Variants in SPATA6L observed in about 807,000 individuals in gnomAD.
SPATA6L encodes spermatogenesis associated 6 like.
A neutral mutation model predicts 49.2 loss-of-function variants in SPATA6L; 68 were observed. That is an observed-to-expected ratio of 1.38 (90% CI 1.14 to 1.69). The LOEUF is 1.69. Among genes scored for constraint, SPATA6L ranks in the 40% most tolerant of loss-of-function variants. The pLI, the probability that SPATA6L is intolerant of heterozygous loss-of-function variation, is 0.00. For missense variants in SPATA6L, 668 were observed against 464.3 expected (o/e 1.44, Z -4.03); for synonymous variants, 198 against 165.7 (o/e 1.19, Z -1.50).
intron 3 of SPATA6L, among the ~76,000 whole-genome samples, chr9:4,642,070 C>T (rs1162252039): frequency 6.6e-6 from 1 of 152,218 alleles, no homozygotes; most frequent in African/African-American, 2.4e-5. Context: ...ACCTGGCCCA[C>T]ATCAAATTGT....
chr9:4,661,488 A>G (rs1379028264), intron 2 of SPATA6L, among the ~76,000 whole-genome samples: 5 of 150,934 alleles, frequency 3.3e-5, no homozygotes, highest in Non-Finnish European at 7.4e-5. Context: ...TTTTAGTTAC[A>G]GGATTTAACT....
chr9:4,604,406 G>T (rs1037841785), intron 10 of SPATA6L, 137 bp from the exon 11 acceptor site: 1 of 519,826 alleles, frequency 1.9e-6, no homozygotes, highest in Non-Finnish European at 3.4e-6. Flanking sequence ...ATATATGTGT[G>T]TATATAGAAT....
At chr9:4,651,010 A>AT (rs889632053) in intron 3 of SPATA6L, among the ~76,000 whole-genome samples, 4 of 149,772 alleles carry the variant, frequency 2.7e-5, no homozygotes, top group South Asian at 2.1e-4. Flanking sequence ...CGTAGAAATA[A>AT]TTTTTTTTTT....
At chr9:4,607,708 C>A (rs1475046867) in intron 9 of SPATA6L, among the ~76,000 whole-genome samples, 2 of 152,056 alleles carry the variant, frequency 1.3e-5, no homozygotes, top group Admixed American at 1.3e-4. Context: ...ATGTAAAGAC[C>A]GTCGAGACTA....
rs183298109 is a variant in SPATA6L, at chr9:4,646,589, A to G, written c.226+9452T>C. On this transcript the variant is annotated intron_variant, in intron 3 of 11. Coordinates refer to ENST00000682582, the MANE Select transcript of SPATA6L (RefSeq NM_001353486.2). ...AAATTGCCACAGTCTTTCAATAATT[A>G]TTAAGTTTTAAACTGTCATAAAACC... 646 of 1,049,512 alleles carry G rather than the reference A, an allele frequency of 6.2e-4. 5 individuals carry two copies. In the African/African-American group the frequency reaches 9.6e-3, roughly 16 times the overall value. The allele number at this position is 1,049,512 out of a possible 1,614,324, so 65.0% of individuals were successfully genotyped here.
intron 2 of SPATA6L, among the ~76,000 whole-genome samples, chr9:4,658,021 A>G (rs1302439788): frequency 6.6e-6 from 1 of 152,178 alleles, no homozygotes; most frequent in Non-Finnish European, 1.5e-5. Context: ...CACTGCCACA[A>G]GCCAAGGAAC....
Position 4,635,307 on chromosome 9 carries a change from C to A in SPATA6L, c.319G>T (p.Glu107Ter). Residue 107 changes from glutamate (E) to a stop codon, truncating the protein, a stop_gained, in exon 4 of 12, where the codon GAG becomes TAG. Transcript: ENST00000682582. LOFTEE classifies it high-confidence loss of function. ...CCCAGAGCCGTCTTCATGAGCACCT[C>A]CCTACACCTCCTAGGGTGCGAAGGT... ...LTPSHPRRCREVLMKTALGFP... is the reference protein window; with the variant it reads ...LTPSHPRRCR The A allele has an allele frequency of 6.3e-7, 1 of 1,575,836 alleles. No homozygotes were observed. Among genetic ancestry groups the A allele is most frequent in the African/African-American group, 1.4e-5 (1 of 71,852 alleles).
chr9:4,627,484 G>A (rs1830567696), intron 5 of SPATA6L: 1 of 278,906 alleles, frequency 3.6e-6, no homozygotes, highest in African/African-American at 2.3e-5. Context: ...GTCTTTTCTA[G>A]GACCCTACAT....
At chr9:4,615,656 T>C (rs1827806897) in intron 9 of SPATA6L, among the ~76,000 whole-genome samples, 1 of 152,228 alleles carries the variant, frequency 6.6e-6, no homozygotes, top group Non-Finnish European at 1.5e-5. Context: ...ATTGTACTTC[T>C]GTTAGGTACC....
At chr9:4,632,741 T>C (rs1179495191) in intron 4 of SPATA6L, among the ~76,000 whole-genome samples, 4 of 152,230 alleles carry the variant, frequency 2.6e-5, no homozygotes, top group African/African-American at 7.2e-5. Flanking sequence ...ACATATGTGA[T>C]GTTTATGGCC....
At chr9:4,660,277 C>T (rs1423243750) in intron 2 of SPATA6L, among the ~76,000 whole-genome samples, 2 of 152,132 alleles carry the variant, frequency 1.3e-5, no homozygotes, top group Admixed American at 1.3e-4. Flanking sequence ...TTGCAATCTA[C>T]TCATCTGACA....
At chr9:4,658,359 T>C (rs972060004) in intron 2 of SPATA6L, among the ~76,000 whole-genome samples, 1 of 152,108 alleles carries the variant, frequency 6.6e-6, no homozygotes, top group Non-Finnish European at 1.5e-5. Context: ...ACACAGAAGA[T>C]CCGAGGAAAA....
chr9:4,662,185 TC>T lies in SPATA6L; in HGVS notation c.40-150del, dbSNP rs1027344819. 1.3e-4 allele frequency: 187 copies of T among 1,446,554 alleles called. No homozygotes were observed. In the African/African-American group the frequency reaches 2.4e-3, roughly 19 times the overall value. 89.6% of individuals were successfully genotyped at this position (1,446,554 alleles called of 1,614,324 possible). On this transcript the variant is annotated intron_variant, in intron 1 of 11. Transcript: ENST00000682582. This position sits in a 1 kb window ranked among gnomAD's most constrained non-coding sequence, Gnocchi z 4.9. Reference sequence around the variant, plus strand: ...TCACCTGTACCTCCCAACGCCAACATCCTCCCCTCTGCTCTCCTCACATTGG... The same window carrying T: ...TCACCTGTACCTCCCAACGCCAACATCTCCCCTCTGCTCTCCTCACATTGG...
chr9:4,602,701 T>TC (rs1367493850), intron 11 of SPATA6L, among the ~76,000 whole-genome samples: 3 of 152,170 alleles, frequency 2.0e-5, no homozygotes, highest in African/African-American at 7.2e-5. Context: ...CAAAGGGCCC[T>TC]CCTTCACACA....
At position 4,635,292 on chromosome 9, in the gene SPATA6L, T is replaced by C. The variant is rs752158994; in HGVS notation, c.334A>G (p.Thr112Ala). 7.8e-6 allele frequency: 12 copies of C among 1,538,018 alleles called. No homozygotes were observed. Among genetic ancestry groups the C allele is most frequent in the Non-Finnish European group, 1.0e-5 (12 of 1,154,432 alleles). Residue 112 changes from threonine (T) to alanine (A), a missense_variant, in exon 4 of 12, where the codon ACG (threonine) becomes GCG (alanine). Coordinates refer to ENST00000682582, the MANE Select transcript of SPATA6L (RefSeq NM_001353486.2). ...TCACTTACTGGAAAACCCAGAGCCG[T>C]CTTCATGAGCACCTCCCTACACCTC... ...PRRCREVLMK[T>A]ALGFPGIAPK...
Position 4,608,815 on chromosome 9 carries a change from T to C in SPATA6L, c.996-3375A>G, listed in dbSNP as rs376224340. On this transcript the variant is annotated intron_variant, in intron 9 of 11. Transcript: ENST00000682582. ...AAAATCAGAGCAGAACTGAAGGAAATAGAGACACAAAAAACCCTTCAAAAA... is the reference window on the plus strand; with the variant it reads ...AAAATCAGAGCAGAACTGAAGGAAACAGAGACACAAAAAACCCTTCAAAAA... Among the ~76,000 whole-genome samples, 4 of 151,402 alleles carry C rather than the reference T, an allele frequency of 2.6e-5. No homozygotes were observed. The East Asian group carries it at 7.7e-4, about 29-fold the overall frequency.
At chr9:4,664,166 G>T (rs1295972477) in intron 1 of SPATA6L, 1 of 167,134 alleles carries the variant, frequency 6.0e-6, no homozygotes, top group African/African-American at 2.4e-5. Flanking sequence ...GGAACTGAAA[G>T]TTTGGGAATA....
chr9:4,625,127 C>G, intron 6 of SPATA6L, 200 bp downstream of exon 6: 2 of 908,572 alleles, frequency 2.2e-6, no homozygotes, highest in South Asian at 5.5e-5. Context: ...TGAGCAAGTC[C>G]CCTGTATAAG....
intron 13 of SPATA6L, among the ~76,000 whole-genome samples, chr9:4,592,552 T>C (rs1008680279): frequency 1.3e-5 from 2 of 152,172 alleles, no homozygotes; most frequent in African/African-American, 2.4e-5. Flanking sequence ...CGCTCAGCCA[T>C]GTGGCTGCAG....
Sources: allele counts gnomAD v4.1 joint callset (sites outside exome capture counted in the v4.1 genomes callset), GRCh38; gene constraint gnomAD v4.1.1; non-coding constraint Gnocchi (gnomAD v3.1); transcripts MANE v1.5; gene names NCBI Gene and HGNC (gene_info 2026-07-23, HGNC 2026-07-21).